Variants in CTIF observed in about 807,000 individuals in gnomAD.
The protein encoded by CTIF is CBP80/20-dependent translation initiation factor.
A neutral mutation model predicts 66.0 loss-of-function variants in CTIF; 21 were observed. That is an observed-to-expected ratio of 0.32 (90% CI 0.23 to 0.46). CTIF has a LOEUF of 0.46. Ranked by LOEUF, CTIF falls within the 20% of genes least tolerant of loss-of-function variation. CTIF has a pLI of 1.00. For synonymous variants in CTIF, 345 were observed against 326.4 expected (o/e 1.06, Z -0.62); for missense variants, 739 against 812.7 (o/e 0.91, Z 1.10).
At position 48,675,136 on chromosome 18, in the gene CTIF, G is replaced by T. The variant is rs554357890; in HGVS notation, c.507+4392G>T. ...ATTCAGGGTTCAATCATGGTTCTCA[G>T]TGTTGAAGCCATAGGGCAGGCAGAC... On this transcript the variant is annotated intron_variant, in intron 6 of 11. Coordinates refer to ENST00000256413, the MANE Select transcript of CTIF (RefSeq NM_014772.3). Among the ~76,000 whole-genome samples, 3 of 91,092 alleles carry T rather than the reference G, an allele frequency of 3.3e-5. No homozygotes were observed. In the South Asian group the frequency reaches 1.5e-3, roughly 46 times the overall value. The allele number at this position is 91,092 out of a possible 152,430, so 59.8% of individuals were successfully genotyped here.
At chr18:48,732,788 G>A (rs981715201) in intron 7 of CTIF, among the ~76,000 whole-genome samples, 8 of 152,164 alleles carry the variant, frequency 5.3e-5, no homozygotes, top group Admixed American at 4.6e-4. Flanking sequence ...GCCATGCCAC[G>A]GAGGGACAGA....
intron 9 of CTIF, among the ~76,000 whole-genome samples, chr18:48,767,309 T>C (rs1909663533): frequency 6.6e-6 from 1 of 152,148 alleles, no homozygotes. Context: ...CCTCTTTTTA[T>C]GGGACCTTTG....
intron 9 of CTIF, among the ~76,000 whole-genome samples, chr18:48,774,188 T>C (rs930192345): frequency 3.3e-5 from 5 of 152,132 alleles, no homozygotes; most frequent in African/African-American, 1.2e-4. Context: ...TTTAAACCCA[T>C]GGTGTGCCCA....
chr18:48,758,013 T>TA lies in CTIF; in HGVS notation c.680dup (p.Tyr227Ter). 1 of 1,613,846 alleles carries TA rather than the reference T, an allele frequency of 6.2e-7. No homozygotes were observed. Among genetic ancestry groups the TA allele is most frequent in the South Asian group, 1.1e-5 (1 of 91,070 alleles). ...ACACAACAGGGACCACCAGAAATCC[T>TA]ACCAGGGGGGCTCAGCACCCCACCC... ...AKHNRDHQKS[Y>*]QGGSAPHPSG... The change falls in exon 8 of 12, where the codon TAC becomes TAAC. Residue 227 changes from tyrosine (Y) to a stop codon, truncating the protein, a stop_gained and frameshift_variant. Transcript: ENST00000256413. LOFTEE classifies it high-confidence loss of function.
chr18:48,559,250 T>C (rs1158060155), intron 1 of CTIF, among the ~76,000 whole-genome samples: 1 of 151,994 alleles, frequency 6.6e-6, no homozygotes, highest in Non-Finnish European at 1.5e-5. Context: ...AAATTGGCCC[T>C]ACCTTCAGAC....
chr18:48,703,054 T>G (rs1416745273), intron 6 of CTIF, among the ~76,000 whole-genome samples: 1 of 152,166 alleles, frequency 6.6e-6, no homozygotes, highest in African/African-American at 2.4e-5. Flanking sequence ...GTTCACCCCT[T>G]GGGATGTCTA....
Position 48,741,284 on chromosome 18 carries a change from C to G in CTIF, c.585-16635C>G, listed in dbSNP as rs918300625. 8.9e-4 allele frequency among the ~76,000 whole-genome samples: 133 copies of G among 149,082 alleles called. 2 individuals are homozygous for G. Among genetic ancestry groups the G allele is most frequent in the East Asian group, 8.4e-3 (43 of 5,114 alleles). On this transcript the variant is annotated intron_variant, in intron 7 of 11. Coordinates refer to ENST00000256413, the MANE Select transcript of CTIF (RefSeq NM_014772.3). ...TCTGCTCTTTACTCTGCCCCCGCCC[C>G]CCCTCCTTGGTACATGTTGCCAGGC...
chr18:48,836,752 A>C lies in CTIF; in HGVS notation c.1527+19376A>C, dbSNP rs145087691. ...GTGCAGGAACAACCAGCTAGGAGTC[A>C]GGAAATCTGAGTTCTGGTGCTGGCT... On this transcript the variant is annotated intron_variant, in intron 10 of 11. Transcript: ENST00000256413. 8.6e-3 allele frequency among the ~76,000 whole-genome samples: 1,312 copies of C among 152,346 alleles called. 11 individuals carry two copies. Among genetic ancestry groups the C allele is most frequent in the Non-Finnish European group, 0.015 (1,043 of 68,022 alleles).
intron 6 of CTIF, among the ~76,000 whole-genome samples, chr18:48,709,392 C>T (rs1337084211): frequency 6.6e-6 from 1 of 152,262 alleles, no homozygotes; most frequent in Non-Finnish European, 1.5e-5. Flanking sequence ...AGTCTTGGGA[C>T]AGGGTTAGCT....
chr18:48,851,785 A>G (rs2069207516), intron 10 of CTIF, among the ~76,000 whole-genome samples: 1 of 151,982 alleles, frequency 6.6e-6, no homozygotes, highest in African/African-American at 2.4e-5. Context: ...TTCCCCACCC[A>G]GGGCCACCAC....
chr18:48,644,017 C>A (rs1467627083), intron 3 of CTIF, among the ~76,000 whole-genome samples: 1 of 152,176 alleles, frequency 6.6e-6, no homozygotes, highest in East Asian at 1.9e-4. Context: ...TTCTTTGATT[C>A]AGCCGCAAGC....
At chr18:48,788,552 G>A (rs1050909558) in intron 9 of CTIF, among the ~76,000 whole-genome samples, 42 of 152,176 alleles carry the variant, frequency 2.8e-4, no homozygotes, top group Non-Finnish European at 5.3e-4. Flanking sequence ...TTTTTCCCCT[G>A]CCTGGCCACA....
Position 48,609,577 on chromosome 18 carries a change from G to A in CTIF, c.-28-9961G>A, listed in dbSNP as rs566167324. On this transcript the variant is annotated intron_variant, in intron 1 of 11. Transcript: ENST00000256413. The stretch of plus-strand genomic sequence containing the variant: ...ACATGAGGAAGCAGGCCCAGAGTCC[G>A]CCCAACAGCACGCAGAGAAAAGGTG... Among the ~76,000 whole-genome samples the A allele has an allele frequency of 1.9e-3, 290 of 152,252 alleles. 2 individuals carry two copies. Among genetic ancestry groups the A allele is most frequent in the African/African-American group, 6.5e-3 (272 of 41,552 alleles).
rs141190505 is a variant in CTIF, at chr18:48,591,056, G to C, written c.-28-28482G>C. Among the ~76,000 whole-genome samples, 358 of 152,328 alleles carry C rather than the reference G, an allele frequency of 2.4e-3. 1 individual carries two copies. The highest frequency in any genetic ancestry group is 8.4e-3 in the African/African-American group (348 of 41,576). On this transcript the variant is annotated intron_variant, in intron 1 of 11. Transcript: ENST00000256413. ...TCTCTCAGGAAGGGAAGGCCAGGGA[G>C]AGCTATTTCCAAACCAACCTGGGAA...
chr18:48,676,905 C>G lies in CTIF; in HGVS notation c.507+6161C>G, dbSNP rs560387866. On this transcript the variant is annotated intron_variant, in intron 6 of 11. Transcript: ENST00000256413. The stretch of plus-strand genomic sequence containing the variant: ...CATGAAATGACACTCAGGTGTCCCT[C>G]ACTCCTGGAGGAGTGAAAATGGTGG... 1.2e-4 allele frequency among the ~76,000 whole-genome samples: 19 copies of G among 152,180 alleles called. 1 individual carries two copies. The South Asian group carries it at 3.9e-3, about 32-fold the overall frequency.
intron 9 of CTIF, among the ~76,000 whole-genome samples, chr18:48,800,096 C>T (rs2068017801): frequency 6.6e-6 from 1 of 152,110 alleles, no homozygotes; most frequent in African/African-American, 2.4e-5. Context: ...GAAGAGGGTC[C>T]CCAGCTCTGG....
At chr18:48,613,930 G>T (rs1247796927) in intron 1 of CTIF, among the ~76,000 whole-genome samples, 1 of 152,210 alleles carries the variant, frequency 6.6e-6, no homozygotes, top group Non-Finnish European at 1.5e-5. Flanking sequence ...TGCAACCTCA[G>T]CATTTTTCCT....
At chr18:48,611,012 T>G (rs1359677091) in intron 1 of CTIF, among the ~76,000 whole-genome samples, 1 of 152,200 alleles carries the variant, frequency 6.6e-6, no homozygotes, top group Non-Finnish European at 1.5e-5. Flanking sequence ...GGAAGGTGAC[T>G]CTCAGCAGGG....
chr18:48,736,465 C>T (rs963327879), intron 7 of CTIF, among the ~76,000 whole-genome samples: 1 of 152,200 alleles, frequency 6.6e-6, no homozygotes, highest in African/African-American at 2.4e-5. Flanking sequence ...ATGTGCAATG[C>T]AGGGCTTCAT....
Sources: gnomAD v4.1 joint callset for allele counts (sites outside exome capture counted in the v4.1 genomes callset) on GRCh38, gnomAD v4.1.1 for gene constraint, MANE v1.5 for transcripts, NCBI Gene and HGNC (gene_info 2026-07-23, HGNC 2026-07-21) for gene names.